Variants in NSMCE1 observed in about 807,000 individuals in gnomAD.
NSMCE1 encodes non-structural maintenance of chromosomes element 1 homolog.
Under a neutral mutation model 29.6 loss-of-function variants are expected in NSMCE1, and 18 were observed. The observed-to-expected ratio is 0.61, with a 90% CI of 0.42 to 0.90. The LOEUF is 0.90. Ranked by LOEUF, NSMCE1 falls within the 40% of genes least tolerant of loss-of-function variation. The pLI is 0.00. For missense variants in NSMCE1, 314 were observed against 343.6 expected (o/e 0.91, Z 0.68); for synonymous variants, 124 against 133.4 (o/e 0.93, Z 0.49).
At chr16:27,228,594 C>T (rs1438330640) in intron 5 of NSMCE1, among the ~76,000 whole-genome samples, 2 of 146,272 alleles carry the variant, frequency 1.4e-5, no homozygotes, top group African/African-American at 2.6e-5. Flanking sequence ...TCCCCAGCCA[C>T]CACCCTCTTC....
chr16:27,227,434 G>T (rs187638030), intron 5 of NSMCE1, among the ~76,000 whole-genome samples: 294 of 152,360 alleles, frequency 1.9e-3, no homozygotes, highest in Non-Finnish European at 3.8e-3. Flanking sequence ...CAGGCCTCCT[G>T]GTTCCCATGC....
chr16:27,248,405 G>GC (rs2083980633), intron 2 of NSMCE1, among the ~76,000 whole-genome samples: 1 of 103,650 alleles, frequency 9.6e-6, no homozygotes, highest in East Asian at 3.0e-4. Flanking sequence ...GTTTTAGTTT[G>GC]CTTTTTTTTT....
chr16:27,225,828 AG>A lies in NSMCE1; in HGVS notation c.618del (p.Cys207ValfsTer48). ...SLLIQGQSCE[T>X]CGIRMHLPCV... ...CAGGGTAAGTGCATCCTGATCCCAC[AG>A]GTTTCGCAGCTTTGACCCTGAAACA... is the stretch of plus-strand genomic sequence containing the variant. On this transcript the variant is annotated frameshift_variant, in exon 7 of 8. Transcript: ENST00000361439. LOFTEE classifies it high-confidence loss of function. The A allele has an allele frequency of 6.2e-7, 1 of 1,614,158 alleles. No individual in the cohort carries two copies. The highest frequency in any genetic ancestry group is 8.5e-7 in the Non-Finnish European group (1 of 1,180,014).
intron 2 of NSMCE1, among the ~76,000 whole-genome samples, chr16:27,254,254 T>C (rs1322148022): frequency 6.6e-6 from 1 of 152,218 alleles, no homozygotes; most frequent in Non-Finnish European, 1.5e-5. Context: ...TTTGGCATTT[T>C]TCTTAAATGA....
At position 27,251,187 on chromosome 16, in the gene NSMCE1, T is replaced by TAAAA. The variant is rs1567281262; in HGVS notation, c.136+6247_136+6248insTTTT. 5.7e-5 allele frequency among the ~76,000 whole-genome samples: 3 copies of TAAAA among 52,804 alleles called. No homozygotes were observed. The African/African-American group carries it at 6.2e-4, about 11-fold the overall frequency. 34.6% of individuals were successfully genotyped at this position (52,804 alleles called of 152,430 possible). A position where few individuals can be genotyped will look rare whatever the true frequency, so the allele number is the denominator to read the frequency against. The stretch of plus-strand genomic sequence containing the variant: ...ATATATATATATATATATATATATA[T>TAAAA]ATAAATATATATATATATATAAAAC... On this transcript the variant is annotated intron_variant, in intron 2 of 7. Coordinates refer to ENST00000361439, the MANE Select transcript of NSMCE1 (RefSeq NM_145080.4).
chr16:27,237,216 G>A (rs1470835268), intron 2 of NSMCE1, among the ~76,000 whole-genome samples: 6 of 152,238 alleles, frequency 3.9e-5, no homozygotes, highest in African/African-American at 1.4e-4. Context: ...TGGTGAGATC[G>A]TAACATATGA....
chr16:27,268,267 CAG>C (rs2084250249), intron 1 of NSMCE1: 1 of 152,102 alleles, frequency 6.6e-6, no homozygotes, highest in African/African-American at 2.4e-5. Flanking sequence ...GTACACAAAA[CAG>C]AGGGGAGCAC....
At chr16:27,245,809 A>C (rs1344635506) in intron 2 of NSMCE1, among the ~76,000 whole-genome samples, 1 of 152,214 alleles carries the variant, frequency 6.6e-6, no homozygotes, top group Non-Finnish European at 1.5e-5. Flanking sequence ...CGGCTCTGAC[A>C]GTGGTATGCT....
chr16:27,233,699 G>A (rs1404684863), intron 4 of NSMCE1, among the ~76,000 whole-genome samples: 2 of 152,256 alleles, frequency 1.3e-5, no homozygotes, highest in Admixed American at 1.3e-4. Flanking sequence ...ATGTGTTTGA[G>A]CAGAAGGCTG....
chr16:27,226,670 C>T (rs148231504), intron 6 of NSMCE1, 50 bp downstream of exon 6: 18 of 1,226,328 alleles, frequency 1.5e-5, no homozygotes, highest in South Asian at 9.9e-5. Context: ...TACAGAGCCC[C>T]GGGAGCCGAG....
intron 1 of NSMCE1, among the ~76,000 whole-genome samples, chr16:27,265,006 C>T (rs533835193): frequency 6.6e-6 from 1 of 151,978 alleles, no homozygotes; most frequent in East Asian, 1.9e-4. Context: ...TGAATAAATA[C>T]AGAAAAAAGA....
chr16:27,267,266 G>A (rs557618694), intron 1 of NSMCE1, among the ~76,000 whole-genome samples: 1 of 151,994 alleles, frequency 6.6e-6, no homozygotes, highest in South Asian at 2.1e-4. Context: ...TTTTAAAATA[G>A]AAATGTTTGT....
intron 2 of NSMCE1, among the ~76,000 whole-genome samples, chr16:27,250,684 T>C (rs1440357110): frequency 1.3e-5 from 2 of 151,588 alleles, no homozygotes; most frequent in African/African-American, 4.8e-5. Flanking sequence ...TCCCAGCTAC[T>C]CGGGAGGCGG....
chr16:27,257,793 C>T (rs12928578), intron 1 of NSMCE1, among the ~76,000 whole-genome samples: 17,387 of 152,126 alleles, frequency 0.11, 1,309 homozygotes, highest in Non-Finnish European at 0.17. Flanking sequence ...GCTAGAATGC[C>T]GGGATTCAGG....
At chr16:27,238,331 G>A (rs1353024167) in intron 2 of NSMCE1, among the ~76,000 whole-genome samples, 1 of 152,082 alleles carries the variant, frequency 6.6e-6, no homozygotes, top group Admixed American at 6.5e-5. Context: ...CTGGACCCCA[G>A]CCTCCTGATC....
intron 2 of NSMCE1, among the ~76,000 whole-genome samples, chr16:27,255,320 A>T (rs113611873): frequency 6.6e-6 from 1 of 152,164 alleles, no homozygotes; most frequent in Non-Finnish European, 1.5e-5. Context: ...ATGGTTCTCA[A>T]ACCTAAAACT....
At chr16:27,254,937 G>A (rs1386168856) in intron 2 of NSMCE1, among the ~76,000 whole-genome samples, 1 of 147,466 alleles carries the variant, frequency 6.8e-6, no homozygotes, top group African/African-American at 2.5e-5. Context: ...TGGAGTGCAG[G>A]GGCAGGATCT....
chr16:27,228,091 C>T (rs765451714), intron 5 of NSMCE1, among the ~76,000 whole-genome samples: 1 of 152,164 alleles, frequency 6.6e-6, no homozygotes, highest in Non-Finnish European at 1.5e-5. Context: ...AGCCCACTCC[C>T]GTTTCTGACA....
intron 1 of NSMCE1, among the ~76,000 whole-genome samples, chr16:27,263,361 C>T (rs185873789): frequency 2.6e-5 from 4 of 152,230 alleles, no homozygotes; most frequent in Admixed American, 6.5e-5. Flanking sequence ...CACTATGCAG[C>T]CATAAAGAAG....
Sources: gnomAD v4.1 joint callset for allele counts (sites outside exome capture counted in the v4.1 genomes callset) on GRCh38, gnomAD v4.1.1 for gene constraint, MANE v1.5 for transcripts, NCBI Gene and HGNC (gene_info 2026-07-23, HGNC 2026-07-21) for gene names.